DSC1: variants seen among roughly 807,000 people sequenced by gnomAD.
The protein encoded by DSC1 is desmocollin-1.
A neutral mutation model predicts 98.8 loss-of-function variants in DSC1; 79 were observed. That is an observed-to-expected ratio of 0.80 (90% CI 0.67 to 0.96). The LOEUF (loss-of-function observed/expected upper bound fraction) is 0.96, where lower values mean the gene tolerates loss of function less well. Ranked by LOEUF, DSC1 falls within the 50% of genes least tolerant of loss-of-function variation. DSC1 has a pLI of 0.00. For synonymous variants in DSC1, 405 were observed against 372.1 expected (o/e 1.09, Z -1.02); for missense variants, 1,115 against 1,075.9 (o/e 1.04, Z -0.51).
chr18:31,150,367 C>T (rs866610370), intron 5 of DSC1, among the ~76,000 whole-genome samples: 1 of 13,078 alleles, frequency 7.6e-5, no homozygotes, highest in Non-Finnish European at 2.2e-4. Flanking sequence ...CCATCATCAC[C>T]ACCACCATCA....
chr18:31,146,655 A>G (rs61706330), intron 6 of DSC1, among the ~76,000 whole-genome samples: 33,240 of 151,988 alleles, frequency 0.22, 4,186 homozygotes, highest in East Asian at 0.56. Context: ...TCTTTGAGTA[A>G]TCTCCAAACT....
At chr18:31,150,441 C>CATT (rs1988975444) in intron 5 of DSC1, among the ~76,000 whole-genome samples, 1 of 10,156 alleles carries the variant, frequency 9.8e-5, no homozygotes, top group African/African-American at 4.2e-4. Flanking sequence ...TTACCATCAC[C>CATT]ACCACTACCA....
In DSC1 at chr18:31,130,600, C is replaced by T. The variant is rs768355358; in HGVS notation, c.2599G>A (p.Asp867Asn). Residue 867 changes from aspartate (D) to asparagine (N), a missense_variant, in exon 16 of 16, where the codon GAT becomes AAT. Physicochemically the swap from Asp to Asn is conservative, Grantham distance 23 (BLOSUM62 1). Coordinates refer to ENST00000257198, the MANE Select transcript of DSC1 (RefSeq NM_024421.2). Reference sequence around the variant, plus strand: ...TCCAGTCCCTCTTCTTCCTGCCGATCGCTGCAGCAACCTACTGAGCCGGCC... The same window carrying T: ...TCCAGTCCCTCTTCTTCCTGCCGATTGCTGCAGCAACCTACTGAGCCGGCC... ...SLAGSVGCCSDRQEEEGLEFL... is the reference protein window; with the variant it reads ...SLAGSVGCCSNRQEEEGLEFL... 5 of 1,614,156 alleles carry T rather than the reference C, an allele frequency of 3.1e-6. No homozygotes were observed. Among genetic ancestry groups the T allele is most frequent in the East Asian group, 4.5e-5 (2 of 44,884 alleles).
At chr18:31,135,630 C>T (rs147129079) in intron 11 of DSC1, among the ~76,000 whole-genome samples, 6 of 152,252 alleles carry the variant, frequency 3.9e-5, no homozygotes, top group African/African-American at 1.4e-4. Context: ...CAGGAACTGT[C>T]TCGTACTCAT....
At chr18:31,150,331 CACCACT>C (rs148751357) in intron 5 of DSC1, among the ~76,000 whole-genome samples, 11 of 40,964 alleles carry the variant, frequency 2.7e-4, no homozygotes, top group African/African-American at 3.0e-4. Flanking sequence ...TCATCACCAC[CACCACT>C]ACCATCACCA....
chr18:31,137,809 C>T (rs920034859), intron 11 of DSC1, among the ~76,000 whole-genome samples: 38 of 152,104 alleles, frequency 2.5e-4, no homozygotes, highest in Non-Finnish European at 4.3e-4. Flanking sequence ...AGCAATGCTA[C>T]TCTAGGTGGA....
intron 2 of DSC1, among the ~76,000 whole-genome samples, chr18:31,159,047 G>GTTTTTTTTTTTTTTTTTTTTTT (rs560889140): frequency 1.4e-5 from 1 of 71,098 alleles, no homozygotes; most frequent in African/African-American, 5.8e-5. Flanking sequence ...CTACTATGTG[G>GTTTTTTTTTTTTTTTTTTTTTT]TTTTTTTTTT....
At chr18:31,157,271 T>C (rs1598630835) in intron 3 of DSC1, 100 bp downstream of exon 3, 2 of 1,244,708 alleles carry the variant, frequency 1.6e-6, no homozygotes, top group African/African-American at 3.1e-5. Flanking sequence ...TGTCATTCAA[T>C]AGCATAGATT....
In DSC1 at chr18:31,129,384, C is replaced by T. The variant is rs910464058; in HGVS notation, c.*1130G>A. On this transcript the variant is annotated 3_prime_UTR_variant, in exon 16 of 16. Transcript: ENST00000257198. ...GAGTAGCTGGGATTACAGTCATTCG[C>T]CACCATGTCCGGCTAATTTCTTATA... 2 of 152,034 alleles carry T rather than the reference C, an allele frequency of 1.3e-5. No individual in the cohort carries two copies. The highest frequency in any genetic ancestry group is 1.3e-4 in the Admixed American group (2 of 15,258). 9.4% of individuals were successfully genotyped at this position (152,034 alleles called of 1,614,324 possible).
chr18:31,136,334 T>A (rs984619005), intron 11 of DSC1, among the ~76,000 whole-genome samples: 4 of 152,184 alleles, frequency 2.6e-5, no homozygotes, highest in African/African-American at 9.7e-5. Context: ...CTTTTAAAAT[T>A]TAAGCAGAAA....
chr18:31,150,147 TCGCAATCACCACCAC>T (rs1433369870), intron 5 of DSC1, among the ~76,000 whole-genome samples: 1 of 35,278 alleles, frequency 2.8e-5, no homozygotes, highest in African/African-American at 1.2e-4. Flanking sequence ...ACCATTATCA[TCGCAATCACCACCAC>T]CACCATCACC....
Position 31,159,484 on chromosome 18 carries a change from C to A in DSC1, c.109G>T (p.Val37Phe). The A allele has an allele frequency of 1.2e-6, 2 of 1,611,408 alleles. No individual in the cohort carries two copies. Among genetic ancestry groups the A allele is most frequent in the Non-Finnish European group, 1.7e-6 (2 of 1,179,352 alleles). The change falls in exon 2 of 16, where the codon GTT becomes TTT. Residue 37 changes from valine (V) to phenylalanine (F), a missense_variant. Coordinates refer to ENST00000257198, the MANE Select transcript of DSC1 (RefSeq NM_024421.2). The stretch of plus-strand genomic sequence containing the variant: ...GTTTCAGCCTGAAGATGAGAAGGAA[C>A]TCGAAGATAAACTTTCTGACAAGCA... The part of the protein sequence containing the change: ...CDACQKVYLR[V>F]PSHLQAETLV...
At chr18:31,130,801 G>A in intron 15 of DSC1, 90 bp from the exon 16 acceptor site, 1 of 1,612,082 alleles carries the variant, frequency 6.2e-7, no homozygotes, top group East Asian at 2.2e-5. Context: ...ACCTTTTACT[G>A]TTTAATTTTT....
chr18:31,159,784 C>A (rs982171411), intron 1 of DSC1, among the ~76,000 whole-genome samples: 2 of 152,074 alleles, frequency 1.3e-5, no homozygotes, highest in Non-Finnish European at 2.9e-5. Context: ...TGTGTCAATG[C>A]AAGAAAATAT....
chr18:31,145,588 G>A lies in DSC1; in HGVS notation c.939+23C>T, dbSNP rs751624176. ...CAGTTTAAATGTAGTTCAATGACTA[G>A]ATAGTTAATTAATCATCATTACTTC... On this transcript the variant is annotated intron_variant, in intron 7 of 15. Coordinates refer to ENST00000257198, the MANE Select transcript of DSC1 (RefSeq NM_024421.2). The A allele has an allele frequency of 1.4e-5, 23 of 1,612,228 alleles. No homozygotes were observed. In the South Asian group the frequency reaches 1.8e-4, roughly 12 times the overall value.
Position 31,133,921 on chromosome 18 carries a change from C to A in DSC1, c.2086G>T (p.Ala696Ser). 1 of 1,613,020 alleles carries A rather than the reference C, an allele frequency of 6.2e-7. No individual in the cohort carries two copies. The highest frequency in any genetic ancestry group is 8.5e-7 in the Non-Finnish European group (1 of 1,179,426). ...AACAATACAGAACCCAACACCATAG[C>A]AAGAATAGCCCATCTTCCAAGTATT... ...NVILGRWAIL[A>S]MVLGSVLLLC... Residue 696 changes from alanine (A) to serine (S), a missense_variant, in exon 13 of 16, where the codon GCT becomes TCT. By Grantham distance (99) the Ala-to-Ser change is moderately conservative. Transcript: ENST00000257198.
rs765056707 is a variant in DSC1 at position 31,157,551 on chromosome 18, C to A, written c.171G>T (p.Lys57Asn). 1 of 1,614,076 alleles carries A rather than the reference C, an allele frequency of 6.2e-7. No homozygotes were observed. Among genetic ancestry groups the A allele is most frequent in the African/African-American group, 1.3e-5 (1 of 74,944 alleles). Reference sequence around the variant, plus strand: ...CACTGGACCGGATTAGGCTGGCCGACTTGAGACACTCCTCCAGATTCACTG... The same window carrying A: ...CACTGGACCGGATTAGGCTGGCCGAATTGAGACACTCCTCCAGATTCACTG... ...VGKVNLEECLKSASLIRSSDP... is the reference protein window; with the variant it reads ...VGKVNLEECLNSASLIRSSDP... Residue 57 changes from lysine (K) to asparagine (N), a missense_variant, in exon 3 of 16, where the codon AAG becomes AAT. By Grantham distance (94) the Lys-to-Asn change is moderately conservative. Transcript: ENST00000257198.
In DSC1 at chr18:31,139,159, G is replaced by A. The variant is rs142373789; in HGVS notation, c.1663+589C>T. On this transcript the variant is annotated intron_variant, in intron 11 of 15. Coordinates refer to ENST00000257198, the MANE Select transcript of DSC1 (RefSeq NM_024421.2). Reference sequence around the variant, plus strand: ...ATTTGTATGTTCAAAAGAATTTCCAGATCACTACTTTACTATATTTGGAGG... The same window carrying A: ...ATTTGTATGTTCAAAAGAATTTCCAAATCACTACTTTACTATATTTGGAGG... Among the ~76,000 whole-genome samples the A allele has an allele frequency of 1.1e-4, 16 of 152,102 alleles. No homozygotes were observed. In the East Asian group the frequency reaches 2.7e-3, roughly 26 times the overall value.
At chr18:31,150,267 T>TCAC (rs200320432) in intron 5 of DSC1, among the ~76,000 whole-genome samples, 10,420 of 84,286 alleles carry the variant, frequency 0.12, 1,331 homozygotes, top group East Asian at 0.46. Context: ...ACCATCATCA[T>TCAC]CACCACTACC....
Sources: allele counts gnomAD v4.1 joint callset (sites outside exome capture counted in the v4.1 genomes callset), GRCh38; gene constraint gnomAD v4.1.1; transcripts MANE v1.5; gene names NCBI Gene and HGNC (gene_info 2026-07-23, HGNC 2026-07-21).